The following IL1RAPL1 variants were observed in gnomAD, a reference collection of about 807,000 sequenced individuals.
IL1RAPL1 encodes interleukin-1 receptor accessory protein-like 1.
In IL1RAPL1, 3 loss-of-function variants were observed where a neutral mutation model predicts 48.4. The observed-to-expected ratio is 0.06, with a 90% CI of 0.03 to 0.16. The LOEUF is 0.16. Among genes scored for constraint, IL1RAPL1 ranks in the 10% least tolerant of loss-of-function variants. IL1RAPL1 has a pLI of 1.00. For synonymous variants in IL1RAPL1, 185 were observed against 187.7 expected (o/e 0.99, Z 0.12); for missense variants, 349 against 530.6 (o/e 0.66, Z 3.36).
At chrX:29,037,513 T>TAATA (rs1926755235) in intron 2 of IL1RAPL1, among the ~76,000 whole-genome samples, 2 of 111,917 alleles carry the variant, frequency 1.8e-5, no homozygotes, top group South Asian at 7.5e-4. Flanking sequence ...TTCTCTATTT[T>TAATA]AACAATCAAT....
intron 6 of IL1RAPL1, among the ~76,000 whole-genome samples, chrX:29,811,128 A>G (rs1930372591): frequency 9.1e-6 from 1 of 110,485 alleles, no homozygotes; most frequent in Admixed American, 9.8e-5. Context: ...GTATAGTGAC[A>G]AAAGAGGGGG....
At chrX:29,526,886 T>G (rs1182984707) in intron 5 of IL1RAPL1, among the ~76,000 whole-genome samples, 1 of 111,770 alleles carries the variant, frequency 8.9e-6, no homozygotes, top group East Asian at 2.8e-4. Context: ...CAACATGCTT[T>G]GCTATATGGA....
At chrX:29,298,339 G>T (rs143989209) in intron 3 of IL1RAPL1, among the ~76,000 whole-genome samples, 5 of 111,611 alleles carry the variant, frequency 4.5e-5, no homozygotes, top group Admixed American at 9.5e-5. Context: ...CAGGCAACAG[G>T]CTGGCTTAGC....
chrX:29,429,894 G>GTGGTGTGT lies in IL1RAPL1; in HGVS notation c.703+30586_703+30587insTGGTGTGT, dbSNP rs34694649. Reference sequence around the variant, plus strand: ...AGTGTATATATATGTGTGTGTGTGTGGTGTGTGTGTGTGTGTGTGTGTGTG... The same window carrying GTGGTGTGT: ...AGTGTATATATATGTGTGTGTGTGTGTGGTGTGTGTGTGTGTGTGTGTGTGTGTGTGTG... On this transcript the variant is annotated intron_variant, in intron 5 of 10. Transcript: ENST00000378993. 2.1e-3 allele frequency among the ~76,000 whole-genome samples: 178 copies of GTGGTGTGT among 85,100 alleles called. 1 individual carries two copies. The highest frequency in any genetic ancestry group is 8.2e-3 in the African/African-American group (174 of 21,251). The allele number at this position is 85,100 out of a possible 115,157, so 73.9% of individuals were successfully genotyped here. A position where few individuals can be genotyped will look rare whatever the true frequency, so the allele number is the denominator to read the frequency against.
chrX:29,493,698 CAG>C (rs1227051710), intron 5 of IL1RAPL1, among the ~76,000 whole-genome samples: 4 of 111,116 alleles, frequency 3.6e-5, no homozygotes, highest in African/African-American at 1.3e-4. Context: ...ATTTTAGAGT[CAG>C]GGGATACATG....
intron 3 of IL1RAPL1, among the ~76,000 whole-genome samples, chrX:29,322,336 G>A (rs1448587475): frequency 9.3e-6 from 1 of 107,903 alleles, no homozygotes; most frequent in African/African-American, 3.4e-5. Context: ...GCACCAGCTC[G>A]GCCCACTGCA....
At chrX:29,135,036 A>G (rs1929096553) in intron 2 of IL1RAPL1, among the ~76,000 whole-genome samples, 1 of 112,129 alleles carries the variant, frequency 8.9e-6, no homozygotes, top group East Asian at 2.8e-4. Flanking sequence ...ACAAACACAT[A>G]GCATTATTAT....
At chrX:29,602,130 T>G (rs961576164) in intron 5 of IL1RAPL1, among the ~76,000 whole-genome samples, 18 of 110,095 alleles carry the variant, frequency 1.6e-4, no homozygotes, top group Non-Finnish European at 2.6e-4. Flanking sequence ...ATTACAGGCA[T>G]GCACCACCAC....
At chrX:29,301,367 G>A (rs896522143) in intron 3 of IL1RAPL1, among the ~76,000 whole-genome samples, 2 of 111,813 alleles carry the variant, frequency 1.8e-5, no homozygotes, top group Non-Finnish European at 3.8e-5. Flanking sequence ...TGTTAGGGGA[G>A]ATTTATGTCC....
chrX:29,529,691 T>G (rs1206255618), intron 5 of IL1RAPL1, among the ~76,000 whole-genome samples: 1 of 110,350 alleles, frequency 9.1e-6, no homozygotes, highest in Admixed American at 9.7e-5. Context: ...TGAACTGTGG[T>G]TATATAAGAG....
At chrX:29,646,337 C>A (rs1925325641) in intron 5 of IL1RAPL1, among the ~76,000 whole-genome samples, 1 of 111,182 alleles carries the variant, frequency 9.0e-6, no homozygotes, top group Non-Finnish European at 1.9e-5. Context: ...AGAGAATCAA[C>A]AAAAGTATTC....
chrX:28,634,799 C>G (rs973650022), intron 1 of IL1RAPL1, among the ~76,000 whole-genome samples: 8 of 110,148 alleles, frequency 7.3e-5, no homozygotes, highest in Admixed American at 2.0e-4. Flanking sequence ...CTCAAACTTT[C>G]TGAAATCACG....
chrX:29,164,763 CT>C (rs200999119), intron 2 of IL1RAPL1, among the ~76,000 whole-genome samples: 2 of 109,563 alleles, frequency 1.8e-5, no homozygotes, highest in Non-Finnish European at 3.8e-5. Context: ...CCCATTTTTT[CT>C]TTTTTTAAAA....
chrX:28,815,464 T>A (rs1179626577), intron 2 of IL1RAPL1, among the ~76,000 whole-genome samples: 1 of 110,026 alleles, frequency 9.1e-6, no homozygotes, highest in Non-Finnish European at 1.9e-5. Flanking sequence ...GTAGGAACAT[T>A]AGCATTATTC....
chrX:28,860,476 T>G (rs78457919), intron 2 of IL1RAPL1, among the ~76,000 whole-genome samples: 1 of 108,921 alleles, frequency 9.2e-6, no homozygotes, highest in Non-Finnish European at 1.9e-5. Context: ...TTTTTTTTTT[T>G]GATGGAGTTT....
chrX:29,877,351 T>C lies in IL1RAPL1; in HGVS notation c.779-40113T>C, dbSNP rs148628651. Among the ~76,000 whole-genome samples, 602 of 111,674 alleles carry C rather than the reference T, an allele frequency of 5.4e-3. 3 individuals carry two copies. The highest frequency in any genetic ancestry group is 0.019 in the African/African-American group (590 of 30,724). ...CCACTAATTGCATGGAACTACTTGG[T>C]AAGCAGCATCACTGAGGCATCAGCA... On this transcript the variant is annotated intron_variant, in intron 6 of 10. Transcript: ENST00000378993.
At chrX:29,120,917 T>G (rs1268961037) in intron 2 of IL1RAPL1, among the ~76,000 whole-genome samples, 1 of 112,051 alleles carries the variant, frequency 8.9e-6, no homozygotes, top group Non-Finnish European at 1.9e-5. Flanking sequence ...ATCCCAGTTA[T>G]GCAAAACTGG....
Position 28,915,125 on chromosome X carries a change from G to C in IL1RAPL1, c.82+125700G>C, listed in dbSNP as rs183571712. Among the ~76,000 whole-genome samples, 71 of 111,453 alleles carry C rather than the reference G, an allele frequency of 6.4e-4. No individual in the cohort carries two copies. The Middle Eastern group carries it at 0.014, about 22-fold the overall frequency. ...AAGGAGCATGCAGCCTAGATCCCTTGCATGCACAGTTTACAATAGGGTTTG... is the reference window on the plus strand; with the variant it reads ...AAGGAGCATGCAGCCTAGATCCCTTCCATGCACAGTTTACAATAGGGTTTG... On this transcript the variant is annotated intron_variant, in intron 2 of 10. Transcript: ENST00000378993.
intron 2 of IL1RAPL1, among the ~76,000 whole-genome samples, chrX:28,960,121 T>A (rs1485066983): frequency 8.9e-6 from 1 of 111,930 alleles, no homozygotes; most frequent in Non-Finnish European, 1.9e-5. Context: ...TTAGGTAGGA[T>A]GAGGCACGTG....
Sources: allele counts gnomAD v4.1 joint callset (sites outside exome capture counted in the v4.1 genomes callset), GRCh38; gene constraint gnomAD v4.1.1; transcripts MANE v1.5; gene names NCBI Gene and HGNC (gene_info 2026-07-23, HGNC 2026-07-21).